Variants in CRAMP1 observed in about 807,000 individuals in gnomAD.
The protein encoded by CRAMP1 is cramped chromatin regulator 1.
In CRAMP1, 50 loss-of-function variants were observed where a neutral mutation model predicts 115.4. The ratio of observed to expected loss-of-function variants is 0.43; its 90% CI spans 0.35 to 0.55. The LOEUF is 0.55. CRAMP1 is among the 20% of genes least tolerant of loss of function. CRAMP1 has a pLI of 0.01. For synonymous variants in CRAMP1, 866 were observed against 745.4 expected, an observed-to-expected ratio of 1.16 and a Z score of -2.64; for missense variants, 1,679 against 1,721.7, an observed-to-expected ratio of 0.98 and a Z score of 0.44.
At chr16:1,670,518 C>T (rs1043084688) in intron 19 of CRAMP1, 146 bp from the exon 20 acceptor site, 7 of 797,382 alleles carry the variant, frequency 8.8e-6, no homozygotes, top group Non-Finnish European at 8.3e-6. Flanking sequence ...TGTTGAGTCC[C>T]TCGGAAGCTC....
In CRAMP1 at chr16:1,652,571, C is replaced by G. The variant is rs772771667; in HGVS notation, c.903C>G (p.Cys301Trp). ...TGTGCCGGGCCCTGAAGAAGCTGTG[C>G]GATCCAGATGGTAAGTGAATGGGGC... The part of the protein sequence containing the change: ...APMCRALKKL[C>W]DPDGLSDEED... The change falls in exon 7 of 21, where the codon TGC (cysteine) becomes TGG (tryptophan). Residue 301 changes from cysteine (C) to tryptophan (W), a missense_variant. By Grantham distance (215) the Cys-to-Trp change is radical. Around this residue, in one of 8 missense-constraint regions of CRAMP1, gnomAD observed 191 missense variants for 236.2 expected, o/e 0.81. Transcript: ENST00000397412. 9 of 1,552,554 alleles carry G rather than the reference C, an allele frequency of 5.8e-6. No individual in the cohort carries two copies. The Admixed American group carries it at 9.8e-5, about 17-fold the overall frequency.
chr16:1,614,790 A>AC lies in CRAMP1; in HGVS notation c.157dup (p.Arg53ProfsTer66). 5.2e-6 allele frequency: 7 copies of AC among 1,334,062 alleles called. No individual in the cohort carries two copies. Among genetic ancestry groups the AC allele is most frequent in the Admixed American group, 5.7e-5 (2 of 34,810 alleles). The allele number at this position is 1,334,062 out of a possible 1,614,324, so 82.6% of individuals were successfully genotyped here. A position where few individuals can be genotyped will look rare whatever the true frequency, so the allele number is the denominator to read the frequency against. ...CAGCGGCACAAAGAGGGACGAGAAG[A>AC]CCCCCCGGGCCGGCGCCGACGGCCC... On this transcript the variant is annotated frameshift_variant, in exon 2 of 21. Coordinates refer to ENST00000397412, the MANE Select transcript of CRAMP1 (RefSeq NM_020825.4). LOFTEE classifies it high-confidence loss of function. This position sits in a 1 kb window ranked among gnomAD's most constrained non-coding sequence, Gnocchi z 4.4.
At position 1,614,938 on chromosome 16, in the gene CRAMP1, G is replaced by A. The variant is rs761391734; in HGVS notation, c.299G>A (p.Ser100Asn). Residue 100 changes from serine (S) to asparagine (N), a missense_variant, in exon 2 of 21, where the codon AGC (serine) becomes AAC (asparagine). Physicochemically the swap from Ser to Asn is conservative, Grantham distance 46 (BLOSUM62 1). Coordinates refer to ENST00000397412, the MANE Select transcript of CRAMP1 (RefSeq NM_020825.4). This position sits in a 1 kb window ranked among gnomAD's most constrained non-coding sequence, Gnocchi z 4.4. ...QSKRPRKDPP[S>N]AVGSGNAGGS... The stretch of plus-strand genomic sequence containing the variant: ...AAGAGGCCCAGGAAGGATCCTCCGA[G>A]CGCTGTGGGGAGCGGCAACGCCGGT... 1 of 1,273,912 alleles carries A rather than the reference G, an allele frequency of 7.8e-7. No individual in the cohort carries two copies. Among genetic ancestry groups the A allele is most frequent in the South Asian group, 3.3e-5 (1 of 29,888 alleles). The allele number at this position is 1,273,912 out of a possible 1,614,324, so 78.9% of individuals were successfully genotyped here.
chr16:1,648,825 G>A (rs1357644308), intron 6 of CRAMP1, among the ~76,000 whole-genome samples: 1 of 152,136 alleles, frequency 6.6e-6, no homozygotes, highest in Non-Finnish European at 1.5e-5. Flanking sequence ...TTGGGAGGCC[G>A]AGGCGGGCGG....
chr16:1,629,294 C>G (rs2036530370), intron 3 of CRAMP1, among the ~76,000 whole-genome samples: 1 of 152,198 alleles, frequency 6.6e-6, no homozygotes, highest in Non-Finnish European at 1.5e-5. Context: ...GCACAGGCAG[C>G]CGGGGGCATC....
intron 3 of CRAMP1, among the ~76,000 whole-genome samples, chr16:1,629,989 C>G (rs549230525): frequency 6.6e-6 from 1 of 152,090 alleles, no homozygotes; most frequent in African/African-American, 2.4e-5. Context: ...TCTGGCCCCT[C>G]CAGGTCACCT....
At chr16:1,622,819 T>C (rs1301764134) in intron 2 of CRAMP1, among the ~76,000 whole-genome samples, 1 of 149,842 alleles carries the variant, frequency 6.7e-6, no homozygotes, top group Non-Finnish European at 1.5e-5. Context: ...TGGAGTGCAG[T>C]GGCTAGATCT....
At chr16:1,647,179 C>G (rs2036682348) in intron 6 of CRAMP1, 1 of 622,530 alleles carries the variant, frequency 1.6e-6, no homozygotes, top group Non-Finnish European at 2.9e-6. Flanking sequence ...TTTCAATTAA[C>G]TGTGAATCTT....
At chr16:1,673,353 T>G (rs2036938525) in intron 20 of CRAMP1, among the ~76,000 whole-genome samples, 1 of 151,254 alleles carries the variant, frequency 6.6e-6, no homozygotes, top group African/African-American at 2.4e-5. Context: ...GACGGGAACG[T>G]GTCCCCCACC....
intron 6 of CRAMP1, 145 bp downstream of exon 6, chr16:1,641,332 AGGTGCTTG>A: frequency 1.5e-6 from 1 of 663,500 alleles, no homozygotes; most frequent in Non-Finnish European, 2.7e-6. Context: ...TCCCAACAAA[AGGTGCTTG>A]GTCCAGGGAG....
chr16:1,618,987 C>T (rs1386558665), intron 2 of CRAMP1, among the ~76,000 whole-genome samples: 3 of 152,186 alleles, frequency 2.0e-5, no homozygotes, highest in Admixed American at 6.5e-5. Context: ...TCTGTGGTGT[C>T]TGTTGTTGTG....
At chr16:1,629,291 C>T (rs1433615178) in intron 3 of CRAMP1, among the ~76,000 whole-genome samples, 2 of 152,348 alleles carry the variant, frequency 1.3e-5, no homozygotes, top group East Asian at 3.9e-4. Context: ...TCTGCACAGG[C>T]AGCCGGGGGC....
chr16:1,618,860 G>T (rs1009815574), intron 2 of CRAMP1, among the ~76,000 whole-genome samples: 1 of 152,108 alleles, frequency 6.6e-6, no homozygotes, highest in Non-Finnish European at 1.5e-5. Context: ...ACAAGACCCT[G>T]TTTCAAAAAC....
At chr16:1,665,762 C>T in intron 14 of CRAMP1, 1 of 390,848 alleles carries the variant, frequency 2.6e-6, no homozygotes, top group Non-Finnish European at 4.7e-6. Context: ...CTCTGACTGC[C>T]CTGGGGCCTG....
At position 1,626,112 on chromosome 16, in the gene CRAMP1, G is replaced by C; in HGVS notation, c.486G>C (p.Gln162His). ...EKEEGKKVRR[Q>H]WESWSTEDKN... The stretch of plus-strand genomic sequence containing the variant: ...AAGAAGGCAAAAAGGTCCGGCGGCA[G>C]TGGGAGTCGTGGAGCACAGAGGACA... Residue 162 changes from glutamine to histidine, a missense_variant, in exon 3 of 21, where the codon CAG becomes CAC. Transcript: ENST00000397412. 6.5e-7 allele frequency: 1 copy of C among 1,549,640 alleles called. No homozygotes were observed. Among genetic ancestry groups the C allele is most frequent in the Non-Finnish European group, 8.7e-7 (1 of 1,145,942 alleles).
rs1469612291 is a variant in CRAMP1, at chr16:1,656,415, A to G, written c.1658A>G (p.Asp553Gly). The G allele has an allele frequency of 6.3e-7, 1 of 1,589,078 alleles. No individual in the cohort carries two copies. Among genetic ancestry groups the G allele is most frequent in the Admixed American group, 1.8e-5 (1 of 56,540 alleles). Residue 553 changes from aspartate to glycine, a missense_variant, in exon 10 of 21, where the codon GAC (aspartate) becomes GGC (glycine). Transcript: ENST00000397412. The surrounding 1 kb of genome is among the most constrained non-coding windows in gnomAD (Gnocchi z 5.6). ...TGTGGCCAGCTCCCAGACCTGGAGG[A>G]CGAGCTCTCGCTTCTAGACCCCTTG... is the stretch of plus-strand genomic sequence containing the variant. ...CACGQLPDLE[D>G]ELSLLDPLPR...
chr16:1,644,824 C>T (rs1298234180), intron 6 of CRAMP1, among the ~76,000 whole-genome samples: 1 of 151,920 alleles, frequency 6.6e-6, no homozygotes, highest in African/African-American at 2.4e-5. Context: ...GAGATGGGGA[C>T]GCTGTTGGAG....
intron 6 of CRAMP1, among the ~76,000 whole-genome samples, chr16:1,643,418 G>A (rs2036648652): frequency 6.6e-6 from 1 of 152,170 alleles, no homozygotes; most frequent in Non-Finnish European, 1.5e-5. Context: ...GTGCATGCCT[G>A]TAATCCCAGC....
chr16:1,661,347 G>T (rs1291834304), intron 11 of CRAMP1, among the ~76,000 whole-genome samples: 1 of 148,974 alleles, frequency 6.7e-6, no homozygotes, highest in Non-Finnish European at 1.5e-5. Context: ...GGTGACGGAG[G>T]GGGCCGGGTG....
Sources: allele counts gnomAD v4.1 joint callset (sites outside exome capture counted in the v4.1 genomes callset), GRCh38; gene constraint gnomAD v4.1.1; regional missense constraint gnomAD v4.1.1; non-coding constraint Gnocchi (gnomAD v3.1); transcripts MANE v1.5; gene names NCBI Gene and HGNC (gene_info 2026-07-23, HGNC 2026-07-21).